BCL11A: variants seen among roughly 807,000 people sequenced by gnomAD.
BCL11A encodes B cell CLL/lymphoma 11A.
Under a neutral mutation model 55.9 loss-of-function variants are expected in BCL11A, and 2 were observed. That is an observed-to-expected ratio of 0.04 (90% CI 0.01 to 0.11). The LOEUF is 0.11. Among genes scored for constraint, BCL11A ranks in the 10% least tolerant of loss-of-function variants. The pLI is 1.00. For missense variants in BCL11A, 817 were observed against 1,137.1 expected (o/e 0.72, Z 4.05); for synonymous variants, 465 against 473.4 (o/e 0.98, Z 0.23).
chr2:60,545,938 T>C, intron 2 of BCL11A, 33 bp downstream of exon 2: 2 of 1,584,296 alleles, frequency 1.3e-6, no homozygotes, highest in Non-Finnish European at 1.7e-6. Flanking sequence ...AAAGAAAACA[T>C]GCAAACAGCT....
At position 60,502,320 on chromosome 2, in the gene BCL11A, T is replaced by C. The variant is rs1021734573; in HGVS notation, c.386-33487A>G. On this transcript the variant is annotated intron_variant, in intron 2 of 3. Transcript: ENST00000642384. ...AGGGAGTAGGTAAACAGTGTGAACG[T>C]GTCAGCTCCCTCCTGGCTCTCCTCT... is the stretch of plus-strand genomic sequence containing the variant. Among the ~76,000 whole-genome samples the C allele has an allele frequency of 4.9e-4, 75 of 152,238 alleles. 1 individual carries two copies. Among genetic ancestry groups the C allele is most frequent in the African/African-American group, 1.8e-3 (75 of 41,452 alleles).
At chr2:60,552,892 CG>C (rs1020376062) in intron 1 of BCL11A, among the ~76,000 whole-genome samples, 12 of 140,008 alleles carry the variant, frequency 8.6e-5, no homozygotes, top group South Asian at 2.3e-4. Flanking sequence ...ACTGGCGGGG[CG>C]GGGGGGGAGT....
intron 2 of BCL11A, chr2:60,545,618 A>G: frequency 4.5e-6 from 1 of 222,112 alleles, no homozygotes; most frequent in Admixed American, 5.2e-5. Context: ...ACACGTCACC[A>G]AGGCTGGAAA....
At chr2:60,537,002 T>A (rs1011132369) in intron 2 of BCL11A, 2 of 152,378 alleles carry the variant, frequency 1.3e-5, no homozygotes, top group East Asian at 1.9e-4. Flanking sequence ...TCCACTTGTA[T>A]GTAGAATAAG....
rs1057165356 is a variant in BCL11A, at chr2:60,459,382, T to C, written c.*1022A>G. ...GCACATTACACATTCAATTTAATCA[T>C]TGTTTAAAAAAAATAAAACTTTGGG... On this transcript the variant is annotated 3_prime_UTR_variant, in exon 4 of 4. Transcript: ENST00000642384. 2.0e-6 allele frequency: 2 copies of C among 1,020,192 alleles called. No homozygotes were observed. Among genetic ancestry groups the C allele is most frequent in the Non-Finnish European group, 2.4e-6 (2 of 850,250 alleles). 63.2% of individuals were successfully genotyped at this position (1,020,192 alleles called of 1,614,324 possible). A position where few individuals can be genotyped will look rare whatever the true frequency, so the allele number is the denominator to read the frequency against.
rs566676296 is a variant in BCL11A at position 60,494,155 on chromosome 2, C to G, written c.386-25322G>C. The stretch of plus-strand genomic sequence containing the variant: ...AGGCACACCTACATTACTTAAGAAA[C>G]CTGAGCACATTCTTACGCCTAGGGC... On this transcript the variant is annotated intron_variant, in intron 2 of 3. Coordinates refer to ENST00000642384, the MANE Select transcript of BCL11A (RefSeq NM_022893.4). 2.6e-5 allele frequency among the ~76,000 whole-genome samples: 4 copies of G among 152,302 alleles called. 1 individual carries two copies. Among genetic ancestry groups the G allele is most frequent in the African/African-American group, 9.6e-5 (4 of 41,570 alleles).
At chr2:60,549,028 T>G (rs375649460) in intron 1 of BCL11A, among the ~76,000 whole-genome samples, 1 of 152,200 alleles carries the variant, frequency 6.6e-6, no homozygotes, top group African/African-American at 2.4e-5. Context: ...ATACCAACAT[T>G]TCTAAGCTCC....
intron 2 of BCL11A, among the ~76,000 whole-genome samples, chr2:60,470,519 C>T (rs4672393): frequency 5.3e-5 from 8 of 152,006 alleles, no homozygotes; most frequent in Non-Finnish European, 7.4e-5. Flanking sequence ...CCAGCATAAA[C>T]GCAACAGGTA....
intron 2 of BCL11A, among the ~76,000 whole-genome samples, chr2:60,509,258 C>T (rs1679836888): frequency 6.6e-6 from 1 of 152,250 alleles, no homozygotes; most frequent in African/African-American, 2.4e-5. Flanking sequence ...CATTAGAGGG[C>T]TCTGCACTCT....
intron 2 of BCL11A, chr2:60,533,658 A>G (rs1669552341): frequency 6.6e-6 from 1 of 152,198 alleles, no homozygotes; most frequent in Non-Finnish European, 1.5e-5. Context: ...TGTGGAATCA[A>G]TTATGCATGC....
rs569244673 is a variant in BCL11A at position 60,529,983 on chromosome 2, G to A, written c.385+15988C>T. ...AAATTCAATTACTTCGCCACTTGTG[G>A]CAGGAGGGCAAAGACTGCACATTAA... On this transcript the variant is annotated intron_variant, in intron 2 of 3. Coordinates refer to ENST00000642384, the MANE Select transcript of BCL11A (RefSeq NM_022893.4). Among the ~76,000 whole-genome samples the A allele has an allele frequency of 3.3e-5, 5 of 152,322 alleles. No individual in the cohort carries two copies. In the South Asian group the frequency reaches 1.0e-3, roughly 32 times the overall value.
intron 1 of BCL11A, among the ~76,000 whole-genome samples, chr2:60,551,076 C>A (rs868207486): frequency 5.9e-5 from 9 of 152,218 alleles, no homozygotes; most frequent in Middle Eastern, 6.8e-3. Context: ...CTGTGCGCAC[C>A]CCCCACCACC....
At position 60,539,420 on chromosome 2, in the gene BCL11A, G is replaced by A. The variant is rs188134598; in HGVS notation, c.385+6551C>T. Among the ~76,000 whole-genome samples the A allele has an allele frequency of 1.6e-3, 237 of 152,290 alleles. 2 individuals carry two copies. Among genetic ancestry groups the A allele is most frequent in the Non-Finnish European group, 1.0e-3 (70 of 68,026 alleles). On this transcript the variant is annotated intron_variant, in intron 2 of 3. Coordinates refer to ENST00000642384, the MANE Select transcript of BCL11A (RefSeq NM_022893.4). ...TAACTCAATGCCATTGCAGAATGAC[G>A]AATGAGCTCAGAAATAGACCCCAAG...
At chr2:60,526,365 T>C (rs895484128) in intron 2 of BCL11A, 7 of 152,206 alleles carry the variant, frequency 4.6e-5, no homozygotes, top group African/African-American at 1.7e-4. Context: ...AATAAATAAA[T>C]AAGACAAACA....
rs376816334 is a variant in BCL11A, at chr2:60,533,864, G to A, written c.385+12107C>T. 3 of 152,314 alleles carry A rather than the reference G, an allele frequency of 2.0e-5. No homozygotes were observed. In the East Asian group the frequency reaches 5.8e-4, roughly 29 times the overall value. The allele number at this position is 152,314 out of a possible 1,614,324, so 9.4% of individuals were successfully genotyped here. On this transcript the variant is annotated intron_variant, in intron 2 of 3. Coordinates refer to ENST00000642384, the MANE Select transcript of BCL11A (RefSeq NM_022893.4). ...TATTAACAACTTTAAACTGAAGCAT[G>A]CTTTTAGCATGGTATGGATGGAAGT...
In BCL11A at chr2:60,459,877, G is replaced by T. The variant is rs564815635; in HGVS notation, c.*527C>A. The T allele has an allele frequency of 8.6e-6, 9 of 1,047,480 alleles. No homozygotes were observed. The highest frequency in any genetic ancestry group is 4.6e-5 in the South Asian group (1 of 21,834). The allele number at this position is 1,047,480 out of a possible 1,614,324, so 64.9% of individuals were successfully genotyped here. A position where few individuals can be genotyped will look rare whatever the true frequency, so the allele number is the denominator to read the frequency against. On this transcript the variant is annotated 3_prime_UTR_variant, in exon 4 of 4. Transcript: ENST00000642384. ...TCCAAAGACTGTTTTTCCTCCTCACGTTATAAAATAAAACTGTACATGATA... is the reference window on the plus strand; with the variant it reads ...TCCAAAGACTGTTTTTCCTCCTCACTTTATAAAATAAAACTGTACATGATA...
At chr2:60,531,037 A>G (rs888064177) in intron 2 of BCL11A, among the ~76,000 whole-genome samples, 5 of 152,186 alleles carry the variant, frequency 3.3e-5, no homozygotes, top group African/African-American at 1.2e-4. Context: ...AACGCTCCCA[A>G]TGTACAATTT....
chr2:60,552,212 G>T (rs1308796681), intron 1 of BCL11A, among the ~76,000 whole-genome samples: 1 of 151,794 alleles, frequency 6.6e-6, no homozygotes, highest in African/African-American at 2.4e-5. Flanking sequence ...TTCGGTTTGG[G>T]GGCAAGAAAT....
chr2:60,535,868 TAG>T (rs1669647307), intron 2 of BCL11A: 1 of 152,358 alleles, frequency 6.6e-6, no homozygotes, highest in South Asian at 2.1e-4. Context: ...CCCCAGTTAT[TAG>T]AGAGTATCGT....
Sources: gnomAD v4.1 joint callset for allele counts (sites outside exome capture counted in the v4.1 genomes callset) on GRCh38, gnomAD v4.1.1 for gene constraint, MANE v1.5 for transcripts, NCBI Gene and HGNC (gene_info 2026-07-23, HGNC 2026-07-21) for gene names.